IMMP2L: variants seen among roughly 807,000 people sequenced by gnomAD.
IMMP2L encodes inner mitochondrial membrane peptidase subunit 2.
Under a neutral mutation model 19.3 loss-of-function variants are expected in IMMP2L, and 18 were observed. The ratio of observed to expected loss-of-function variants is 0.93; its 90% CI spans 0.64 to 1.38. The LOEUF (loss-of-function observed/expected upper bound fraction) is 1.38, where lower values mean the gene tolerates loss of function less well. Ranked by LOEUF, IMMP2L falls within the 40% of genes most tolerant of loss-of-function variation. The pLI is 0.00. For missense variants in IMMP2L, 233 were observed against 218.2 expected (o/e 1.07, Z -0.43); for synonymous variants, 76 against 73.0 (o/e 1.04, Z -0.21).
At chr7:110,911,995 G>T (rs1200701272) in intron 4 of IMMP2L, among the ~76,000 whole-genome samples, 1 of 152,010 alleles carries the variant, frequency 6.6e-6, no homozygotes, top group Admixed American at 6.6e-5. Context: ...TACATGCAAT[G>T]TTTAAAAAAA....
intron 5 of IMMP2L, among the ~76,000 whole-genome samples, chr7:110,690,025 TAA>T (rs775161592): frequency 5.6e-4 from 85 of 152,328 alleles, no homozygotes; most frequent in Middle Eastern, 3.4e-3. Flanking sequence ...GTACATAGGA[TAA>T]AGTTTCCTTG....
chr7:111,344,718 T>C (rs773909074), intron 3 of IMMP2L, among the ~76,000 whole-genome samples: 4 of 152,186 alleles, frequency 2.6e-5, no homozygotes, highest in Non-Finnish European at 2.9e-5. Context: ...TTTTGAACAC[T>C]ACCGTTCATA....
At chr7:111,116,621 T>C (rs771966986) in intron 3 of IMMP2L, among the ~76,000 whole-genome samples, 1 of 152,162 alleles carries the variant, frequency 6.6e-6, no homozygotes, top group Non-Finnish European at 1.5e-5. Context: ...TTAGTGCATA[T>C]TTTGTGAGAA....
intron 3 of IMMP2L, among the ~76,000 whole-genome samples, chr7:111,404,468 C>T (rs976154779): frequency 1.3e-5 from 2 of 152,044 alleles, no homozygotes; most frequent in African/African-American, 2.4e-5. Context: ...AAATCACAAG[C>T]GACCTCTGAG....
intron 5 of IMMP2L, among the ~76,000 whole-genome samples, chr7:110,778,283 G>T (rs1799525560): frequency 1.3e-5 from 2 of 151,792 alleles, no homozygotes; most frequent in Admixed American, 6.6e-5. Context: ...AAAACTTAAA[G>T]AAAAGAGTGT....
chr7:111,229,622 A>C (rs182134835), intron 3 of IMMP2L, among the ~76,000 whole-genome samples: 130 of 152,066 alleles, frequency 8.5e-4, no homozygotes, highest in African/African-American at 3.1e-3. Context: ...TGCTTAACTT[A>C]CCATTGGGAG....
chr7:111,421,364 G>A (rs1835524506), intron 3 of IMMP2L, among the ~76,000 whole-genome samples: 1 of 149,706 alleles, frequency 6.7e-6, no homozygotes, highest in Non-Finnish European at 1.5e-5. Context: ...CCGCCTCCCG[G>A]GTTCACGCCA....
intron 5 of IMMP2L, among the ~76,000 whole-genome samples, chr7:110,676,273 T>A (rs998181669): frequency 1.8e-4 from 27 of 152,350 alleles, no homozygotes; most frequent in African/African-American, 5.5e-4. Flanking sequence ...GGCCATATGA[T>A]CTCTGTTGCA....
At chr7:111,217,120 T>TCACACACACA (rs1385796500) in intron 3 of IMMP2L, among the ~76,000 whole-genome samples, 34 of 137,916 alleles carry the variant, frequency 2.5e-4, no homozygotes, top group African/African-American at 9.9e-4. Context: ...TCTCTCTCTC[T>TCACACACACA]CTCTCTCACA....
chr7:111,445,085 T>G (rs558727768), intron 3 of IMMP2L, among the ~76,000 whole-genome samples: 1 of 152,036 alleles, frequency 6.6e-6, no homozygotes, highest in Non-Finnish European at 1.5e-5. Flanking sequence ...TCCATAAAAA[T>G]TTTTCCTAAA....
intron 2 of IMMP2L, among the ~76,000 whole-genome samples, chr7:111,504,253 C>A (rs1844634664): frequency 6.6e-6 from 1 of 152,086 alleles, no homozygotes; most frequent in Non-Finnish European, 1.5e-5. Flanking sequence ...ACCTAGGAAT[C>A]CAACTTACAA....
At chr7:110,823,102 A>G (rs1803179225) in intron 5 of IMMP2L, among the ~76,000 whole-genome samples, 1 of 152,144 alleles carries the variant, frequency 6.6e-6, no homozygotes, top group South Asian at 2.1e-4. Flanking sequence ...AACAATGTTT[A>G]TGAGTTTTTA....
chr7:111,072,785 C>T (rs1293011376), intron 3 of IMMP2L, among the ~76,000 whole-genome samples: 2 of 151,884 alleles, frequency 1.3e-5, no homozygotes, highest in Admixed American at 6.6e-5. Context: ...GTCTCAGCTA[C>T]TCGGGAGGCT....
chr7:111,332,173 G>A (rs989386464), intron 3 of IMMP2L, among the ~76,000 whole-genome samples: 3 of 151,632 alleles, frequency 2.0e-5, no homozygotes, highest in East Asian at 1.9e-4. Context: ...GAATAAGGAC[G>A]TTAGTAAAGA....
chr7:111,444,616 A>G (rs573381752), intron 3 of IMMP2L, among the ~76,000 whole-genome samples: 22 of 152,228 alleles, frequency 1.4e-4, no homozygotes, highest in Non-Finnish European at 1.6e-4. Context: ...CATTTTCCTC[A>G]TCGCTTCTAC....
chr7:110,974,352 G>A (rs1820472437), intron 3 of IMMP2L, among the ~76,000 whole-genome samples: 1 of 152,040 alleles, frequency 6.6e-6, no homozygotes, highest in South Asian at 2.1e-4. Context: ...ACATTAGAGT[G>A]GGTTTGTAGG....
intron 5 of IMMP2L, among the ~76,000 whole-genome samples, chr7:110,861,385 T>A (rs973156812): frequency 1.5e-4 from 22 of 151,624 alleles, no homozygotes; most frequent in Admixed American, 3.9e-4. Context: ...GCTTAGGTAA[T>A]CCTCCCGAGT....
At chr7:110,756,353 T>C (rs1004005077) in intron 5 of IMMP2L, among the ~76,000 whole-genome samples, 1 of 151,778 alleles carries the variant, frequency 6.6e-6, no homozygotes, top group African/African-American at 2.4e-5. Context: ...TAGAAGGAGG[T>C]GCAGTTACAT....
chr7:110,678,180 C>A (rs1184936285), intron 5 of IMMP2L, among the ~76,000 whole-genome samples: 3 of 152,114 alleles, frequency 2.0e-5, no homozygotes, highest in Admixed American at 6.6e-5. Flanking sequence ...GTAGCAAAAT[C>A]TGACCTGACC....
Sources: gnomAD v4.1 joint callset for allele counts (sites outside exome capture counted in the v4.1 genomes callset) on GRCh38, gnomAD v4.1.1 for gene constraint, MANE v1.5 for transcripts, NCBI Gene and HGNC (gene_info 2026-07-23, HGNC 2026-07-21) for gene names.